Variants in STAG1 observed in about 807,000 individuals in gnomAD.
STAG1 encodes cohesin subunit SA-1.
Under a neutral mutation model 170.9 loss-of-function variants are expected in STAG1, and 26 were observed. The observed-to-expected ratio is 0.15, with a 90% CI of 0.11 to 0.21. The LOEUF is 0.21. Ranked by LOEUF, STAG1 falls within the 10% of genes least tolerant of loss-of-function variation. The pLI is 1.00. For synonymous variants in STAG1, 514 were observed against 497.7 expected (o/e 1.03, Z -0.44); for missense variants, 964 against 1,509.5 (o/e 0.64, Z 5.99).
intron 4 of STAG1, chr3:136,591,600 T>C (rs564256088): frequency 5.0e-6 from 2 of 397,376 alleles, no homozygotes; most frequent in South Asian, 1.8e-5. Context: ...GCAAAGCATA[T>C]GTATTGGTGG....
chr3:136,425,676 A>AT (rs2088098556), intron 16 of STAG1, among the ~76,000 whole-genome samples: 1 of 151,008 alleles, frequency 6.6e-6, no homozygotes, highest in African/African-American at 2.4e-5. Context: ...TATGATTTAA[A>AT]TACGTGTATG....
At chr3:136,641,216 A>T (rs1940785998) in intron 1 of STAG1, among the ~76,000 whole-genome samples, 1 of 152,230 alleles carries the variant, frequency 6.6e-6, no homozygotes, top group African/African-American at 2.4e-5. Flanking sequence ...TAGGAAAATC[A>T]CCATTTGAGG....
At chr3:136,496,611 A>G (rs190912557) in intron 9 of STAG1, among the ~76,000 whole-genome samples, 2 of 152,324 alleles carry the variant, frequency 1.3e-5, no homozygotes, top group Admixed American at 1.3e-4. Flanking sequence ...TAAATAAAAA[A>G]TGCAATATAT....
chr3:136,533,153 T>C (rs2107932145), intron 6 of STAG1, among the ~76,000 whole-genome samples: 1 of 152,152 alleles, frequency 6.6e-6, no homozygotes, highest in Non-Finnish European at 1.5e-5. Context: ...GGCAATCCCA[T>C]TTACAACAGC....
Position 136,751,981 on chromosome 3 carries a change from C to A in STAG1, c.-84+214G>T, listed in dbSNP as rs893824123. Among the ~76,000 whole-genome samples the A allele has an allele frequency of 7.3e-5, 11 of 150,944 alleles. No individual in the cohort carries two copies. In the East Asian group the frequency reaches 1.4e-3, roughly 19 times the overall value. The stretch of plus-strand genomic sequence containing the variant: ...CCGCGCCCACAGACGTCTCTCCGGG[C>A]ACTCGGACGGCCCACGACCGCCGCA... On this transcript the variant is annotated intron_variant, in intron 1 of 33. Coordinates refer to ENST00000383202, the MANE Select transcript of STAG1 (RefSeq NM_005862.3).
intron 4 of STAG1, among the ~76,000 whole-genome samples, chr3:136,585,156 T>C (rs1355203029): frequency 6.6e-6 from 1 of 152,146 alleles, no homozygotes; most frequent in Non-Finnish European, 1.5e-5. Context: ...TTAAATCAAT[T>C]CCAGGCTGGG....
intron 30 of STAG1, among the ~76,000 whole-genome samples, chr3:136,342,244 C>G (rs1381587477): frequency 1.3e-5 from 2 of 151,990 alleles, no homozygotes; most frequent in Admixed American, 1.3e-4. Flanking sequence ...TGGTCTCGAT[C>G]TCCTGACCTT....
chr3:136,574,940 C>G lies in STAG1; in HGVS notation c.298-6079G>C, dbSNP rs117223563. On this transcript the variant is annotated intron_variant, in intron 4 of 33. Coordinates refer to ENST00000383202, the MANE Select transcript of STAG1 (RefSeq NM_005862.3). The stretch of plus-strand genomic sequence containing the variant: ...TCAAACCTCTGTAAGTTTTTAAACA[C>G]TGAAATAATACAGAGCAAGCTCTCT... Among the ~76,000 whole-genome samples the G allele has an allele frequency of 1.6e-4, 24 of 152,202 alleles. No individual in the cohort carries two copies. The East Asian group carries it at 3.9e-3, about 24-fold the overall frequency.
intron 12 of STAG1, among the ~76,000 whole-genome samples, chr3:136,469,547 T>C (rs2089566425): frequency 6.6e-6 from 1 of 152,242 alleles, no homozygotes; most frequent in South Asian, 2.1e-4. Flanking sequence ...ATCGTGAAAA[T>C]GGCCATACTG....
intron 14 of STAG1, among the ~76,000 whole-genome samples, chr3:136,449,911 T>G (rs1340676156): frequency 6.6e-6 from 1 of 151,206 alleles, no homozygotes; most frequent in East Asian, 1.9e-4. Context: ...TTTTTTTTTT[T>G]TTTTTTTAGA....
intron 6 of STAG1, among the ~76,000 whole-genome samples, chr3:136,529,465 G>C (rs939418670): frequency 6.6e-6 from 1 of 152,154 alleles, no homozygotes; most frequent in Admixed American, 6.5e-5. Flanking sequence ...GGACCAGAGA[G>C]AATGGAAGGA....
intron 26 of STAG1, among the ~76,000 whole-genome samples, chr3:136,361,652 C>A (rs1311034731): frequency 6.6e-6 from 1 of 152,092 alleles, no homozygotes; most frequent in Non-Finnish European, 1.5e-5. Context: ...ACTCTGTCAC[C>A]TAGGCTGGAA....
At chr3:136,682,907 T>C (rs1036342090) in intron 1 of STAG1, among the ~76,000 whole-genome samples, 1 of 152,200 alleles carries the variant, frequency 6.6e-6, no homozygotes, top group Non-Finnish European at 1.5e-5. Context: ...AAATGCAGTA[T>C]ATACATAACA....
intron 9 of STAG1, among the ~76,000 whole-genome samples, chr3:136,498,278 C>CAT (rs1933261980): frequency 9.9e-6 from 1 of 100,892 alleles, no homozygotes; most frequent in African/African-American, 4.3e-5. Flanking sequence ...ACACACCACA[C>CAT]ACACATACAC....
chr3:136,717,549 AGCTACGT>A (rs1201887279), intron 1 of STAG1, among the ~76,000 whole-genome samples: 1 of 152,218 alleles, frequency 6.6e-6, no homozygotes, highest in Non-Finnish European at 1.5e-5. Flanking sequence ...CTGTAGTCTC[AGCTACGT>A]GGGAGGCTGA....
chr3:136,614,711 C>A (rs1939494485), intron 3 of STAG1, among the ~76,000 whole-genome samples: 1 of 152,004 alleles, frequency 6.6e-6, no homozygotes, highest in African/African-American at 2.4e-5. Flanking sequence ...ATAACTTATC[C>A]CAAATACTCT....
rs1285300563 is a variant in STAG1 at position 136,610,048 on chromosome 3, T to C, written c.133-5575A>G. Among the ~76,000 whole-genome samples the C allele has an allele frequency of 2.0e-5, 3 of 152,334 alleles. No homozygotes were observed. In the South Asian group the frequency reaches 6.2e-4, roughly 32 times the overall value. The stretch of plus-strand genomic sequence containing the variant: ...TATAGCAGAATTTTCTTTTTTTTCT[T>C]TTTTTGAGATGGAGTCTCGTCTGTC... On this transcript the variant is annotated intron_variant, in intron 3 of 33. Transcript: ENST00000383202.
intron 1 of STAG1, among the ~76,000 whole-genome samples, chr3:136,685,011 T>C (rs982002477): frequency 1.3e-5 from 2 of 152,020 alleles, no homozygotes; most frequent in Non-Finnish European, 2.9e-5. Context: ...AAAGTTGGAC[T>C]TCGTTAAAAT....
chr3:136,465,302 C>A (rs1235181538), intron 12 of STAG1, among the ~76,000 whole-genome samples: 1 of 150,124 alleles, frequency 6.7e-6, no homozygotes, highest in South Asian at 2.1e-4. Flanking sequence ...TCACTGCAAC[C>A]TCTGCCTCCC....
Sources: gnomAD v4.1 joint callset for allele counts (sites outside exome capture counted in the v4.1 genomes callset) on GRCh38, gnomAD v4.1.1 for gene constraint, MANE v1.5 for transcripts, NCBI Gene and HGNC (gene_info 2026-07-23, HGNC 2026-07-21) for gene names.